Variants in ZNF391 observed in about 807,000 individuals in gnomAD.
ZNF391 encodes zinc finger protein 391.
For synonymous variants in ZNF391, 126 were observed against 142.1 expected (o/e 0.89, Z 0.80); for missense variants, 375 against 425.5 (o/e 0.88, Z 1.04).
chr6:27,390,199 A>G (rs67859638), intron 1 of ZNF391, among the ~76,000 whole-genome samples: 7,260 of 152,304 alleles, frequency 0.048, 275 homozygotes, highest in Non-Finnish European at 0.084. Flanking sequence ...TAGAAAATAA[A>G]GGAGAATTAT....
rs1331970172 is a variant in ZNF391 at position 27,402,649 on chromosome 6, G to C, written c.*1202G>C. The C allele has an allele frequency of 6.6e-6, 1 of 152,158 alleles. No homozygotes were observed. Among genetic ancestry groups the C allele is most frequent in the Non-Finnish European group, 1.5e-5 (1 of 68,108 alleles). The allele number at this position is 152,158 out of a possible 1,614,324, so 9.4% of individuals were successfully genotyped here. A position where few individuals can be genotyped will look rare whatever the true frequency, so the allele number is the denominator to read the frequency against. On this transcript the variant is annotated 3_prime_UTR_variant, in exon 3 of 3. Transcript: ENST00000244576. ...GAGAAGGTCTTGCTGTGTTGCCCAG[G>C]CTGGAGTGCAATGGCACAATCATAG...
rs1761422914 is a variant in ZNF391, at chr6:27,376,663, C to T, written n.523+1526C>T. ...AAGGTATAACCTTATCAAGACCAGC[C>T]TGGCCAACATGGTGAAACCCCATCT... On this transcript the variant is annotated intron_variant and non_coding_transcript_variant, in intron 1 of 2. Transcript: ENST00000477999. This position sits in a 1 kb window ranked among gnomAD's most constrained non-coding sequence, Gnocchi z 4.7. Among the ~76,000 whole-genome samples the T allele has an allele frequency of 6.6e-6, 1 of 152,010 alleles. No individual in the cohort carries two copies. Among genetic ancestry groups the T allele is most frequent in the African/African-American group, 2.4e-5 (1 of 41,384 alleles).
chr6:27,385,068 A>G (rs1761567551), upstream of ZNF391, among the ~76,000 whole-genome samples: 1 of 152,068 alleles, frequency 6.6e-6, no homozygotes, highest in Non-Finnish European at 1.5e-5. Context: ...CATACTACCC[A>G]TGAAGCTTTA....
upstream of ZNF391, among the ~76,000 whole-genome samples, chr6:27,384,973 G>A (rs9468099): frequency 0.71 from 105,775 of 149,770 alleles, 37,492 homozygotes; most frequent in Middle Eastern, 0.8. Flanking sequence ...CCAAGATCGC[G>A]CCACTGCACT....
intron 2 of ZNF391, among the ~76,000 whole-genome samples, chr6:27,399,874 G>C (rs923832238): frequency 3.3e-5 from 5 of 152,182 alleles, no homozygotes; most frequent in African/African-American, 1.2e-4. Context: ...ACTTGATCAA[G>C]TCATCTTTCT....
At chr6:27,391,681 A>G (rs1761717445) in intron 1 of ZNF391, among the ~76,000 whole-genome samples, 1 of 152,182 alleles carries the variant, frequency 6.6e-6, no homozygotes, top group Non-Finnish European at 1.5e-5. Flanking sequence ...CTCTTTTCTG[A>G]ACGTGTGTTT....
rs1762016408 is a variant in ZNF391 at position 27,403,244 on chromosome 6, C to T, written c.*1797C>T. 6.6e-6 allele frequency: 1 copy of T among 152,196 alleles called. No homozygotes were observed. Among genetic ancestry groups the T allele is most frequent in the Admixed American group, 6.5e-5 (1 of 15,272 alleles). 9.4% of individuals were successfully genotyped at this position (152,196 alleles called of 1,614,324 possible). ...TTTGATCTACTTACTTACTTCCTTT[C>T]TCTTCTCAAAGATAATACATGCGGG... is the stretch of plus-strand genomic sequence containing the variant. On this transcript the variant is annotated 3_prime_UTR_variant, in exon 3 of 3. Transcript: ENST00000244576.
chr6:27,388,209 A>G (rs1001384925), upstream of ZNF391, among the ~76,000 whole-genome samples: 1 of 152,208 alleles, frequency 6.6e-6, no homozygotes, highest in Admixed American at 6.5e-5. Context: ...CACATTGTGC[A>G]ACTTCATTAC....
intron 1 of ZNF391, among the ~76,000 whole-genome samples, chr6:27,397,022 A>G (rs1454491803): frequency 1.3e-5 from 2 of 152,218 alleles, no homozygotes; most frequent in Non-Finnish European, 2.9e-5. Context: ...GCACTGTAAT[A>G]AAAGAGAGAG....
intron 1 of ZNF391, among the ~76,000 whole-genome samples, chr6:27,392,347 C>G (rs1581531899): frequency 6.6e-6 from 1 of 152,154 alleles, no homozygotes; most frequent in East Asian, 1.9e-4. Flanking sequence ...CCTCTACCTC[C>G]CAGGTTCAAG....
At chr6:27,383,224 T>C (rs1761535631) in intron 1 of ZNF391, among the ~76,000 whole-genome samples, 1 of 150,866 alleles carries the variant, frequency 6.6e-6, no homozygotes, top group Admixed American at 6.6e-5. Context: ...ATATGTATAA[T>C]AGGAATACCA....
chr6:27,378,645 GC>G (rs1761452407), intron 1 of ZNF391, among the ~76,000 whole-genome samples: 1 of 152,156 alleles, frequency 6.6e-6, no homozygotes, highest in Non-Finnish European at 1.5e-5. Context: ...GTTACTTCAG[GC>G]CATCTGCATG....
intron 1 of ZNF391, among the ~76,000 whole-genome samples, chr6:27,378,676 G>T (rs966079461): frequency 6.6e-6 from 1 of 152,140 alleles, no homozygotes; most frequent in Admixed American, 6.5e-5. Flanking sequence ...AGGTCACAGG[G>T]GATGCGATGG....
At chr6:27,396,969 C>T (rs1417026646) in intron 1 of ZNF391, among the ~76,000 whole-genome samples, 1 of 152,104 alleles carries the variant, frequency 6.6e-6, no homozygotes, top group Non-Finnish European at 1.5e-5. Context: ...CCAAAATAAC[C>T]TCACAAATTC....
chr6:27,393,968 A>G (rs1469480014), intron 1 of ZNF391, among the ~76,000 whole-genome samples: 1 of 152,198 alleles, frequency 6.6e-6, no homozygotes, highest in Non-Finnish European at 1.5e-5. Flanking sequence ...GCTCTTTCTA[A>G]CAGTCTATCT....
chr6:27,378,204 A>AGAACATTTG (rs1761446005), intron 1 of ZNF391, among the ~76,000 whole-genome samples: 2 of 152,246 alleles, frequency 1.3e-5, no homozygotes, highest in African/African-American at 4.8e-5. Flanking sequence ...GTCATCATAT[A>AGAACATTTG]GAACATTTGT....
intron 1 of ZNF391, among the ~76,000 whole-genome samples, chr6:27,377,290 A>C (rs1350220796): frequency 1.3e-5 from 2 of 152,248 alleles, no homozygotes; most frequent in African/African-American, 2.4e-5. Flanking sequence ...ACAATTAACC[A>C]GAACTCCGAC....
chr6:27,390,360 AT>A (rs1231201957), intron 1 of ZNF391, among the ~76,000 whole-genome samples: 2 of 152,350 alleles, frequency 1.3e-5, no homozygotes, highest in African/African-American at 4.8e-5. Context: ...GGGCTGCAGC[AT>A]GTTGTGACCA....
intron 1 of ZNF391, among the ~76,000 whole-genome samples, chr6:27,382,774 G>A (rs1457495828): frequency 6.6e-6 from 1 of 152,116 alleles, no homozygotes; most frequent in African/African-American, 2.4e-5. Context: ...ACTAGACATG[G>A]CGGAAAAAAA....
Sources: gnomAD v4.1 joint callset for allele counts (sites outside exome capture counted in the v4.1 genomes callset) on GRCh38, gnomAD v4.1.1 for gene constraint, Gnocchi (gnomAD v3.1) non-coding constraint, MANE v1.5 for transcripts, NCBI Gene and HGNC (gene_info 2026-07-23, HGNC 2026-07-21) for gene names.